The following SYT1 variants were observed in gnomAD, a reference collection of about 807,000 sequenced individuals.
The protein encoded by SYT1 is synaptotagmin 1, also known as synaptotagmin-1.
In SYT1, 8 loss-of-function variants were observed where a neutral mutation model predicts 44.8. The observed-to-expected ratio is 0.18, with a 90% CI of 0.10 to 0.32. SYT1 has a LOEUF of 0.32. Among genes scored for constraint, SYT1 ranks in the 10% least tolerant of loss-of-function variants. SYT1 has a pLI of 1.00. For synonymous variants in SYT1, 154 were observed against 188.8 expected (o/e 0.82, Z 1.51); for missense variants, 286 against 509.3 (o/e 0.56, Z 4.22).
intron 2 of SYT1, among the ~76,000 whole-genome samples, chr12:78,991,155 C>T (rs1044819763): frequency 2.0e-5 from 3 of 151,902 alleles, no homozygotes; most frequent in Non-Finnish European, 4.4e-5. Context: ...CCATTTACTC[C>T]ACTTGGATAT....
intron 3 of SYT1, among the ~76,000 whole-genome samples, chr12:79,097,784 T>G (rs2138034647): frequency 6.6e-6 from 1 of 152,066 alleles, no homozygotes; most frequent in Non-Finnish European, 1.5e-5. Context: ...GATAGAAAAT[T>G]TAAACTTTCA....
intron 1 of SYT1, among the ~76,000 whole-genome samples, chr12:78,971,018 G>C (rs995127827): frequency 6.6e-6 from 1 of 152,134 alleles, no homozygotes. Flanking sequence ...CAAAAAGTTA[G>C]CAGGGTGTGA....
At chr12:79,148,638 C>A (rs1477385794) in intron 3 of SYT1, among the ~76,000 whole-genome samples, 6 of 152,086 alleles carry the variant, frequency 3.9e-5, no homozygotes, top group African/African-American at 1.4e-4. Flanking sequence ...CACCTTGAAA[C>A]ATAAATGGGC....
chr12:78,971,893 GA>G (rs1868408663), intron 1 of SYT1, among the ~76,000 whole-genome samples: 1 of 152,086 alleles, frequency 6.6e-6, no homozygotes, highest in African/African-American at 2.4e-5. Context: ...TCAAGGAAGG[GA>G]ATCATTGACC....
At chr12:79,004,944 C>A (rs559862954) in intron 2 of SYT1, among the ~76,000 whole-genome samples, 2 of 151,862 alleles carry the variant, frequency 1.3e-5, no homozygotes, top group African/African-American at 4.8e-5. Flanking sequence ...GCAGAGTTTA[C>A]ACAAAAACTT....
chr12:79,137,387 C>T (rs569006006), intron 3 of SYT1, among the ~76,000 whole-genome samples: 1 of 152,140 alleles, frequency 6.6e-6, no homozygotes, highest in Non-Finnish European at 1.5e-5. Context: ...TGAGCCACCC[C>T]ACCCGGCCAG....
chr12:79,397,350 C>T (rs1368061088), intron 9 of SYT1, among the ~76,000 whole-genome samples: 1 of 152,176 alleles, frequency 6.6e-6, no homozygotes, highest in African/African-American at 2.4e-5. Flanking sequence ...CCACCTCAGC[C>T]TTCCGAATAG....
At chr12:79,392,695 C>T (rs1335371793) in intron 9 of SYT1, 1 of 150,960 alleles carries the variant, frequency 6.6e-6, no homozygotes, top group East Asian at 1.9e-4. Flanking sequence ...TTAATCTGGT[C>T]CAGTTAATAA....
At chr12:79,196,386 TC>T (rs1873465196) in intron 3 of SYT1, among the ~76,000 whole-genome samples, 1 of 152,106 alleles carries the variant, frequency 6.6e-6, no homozygotes, top group African/African-American at 2.4e-5. Context: ...CAGGATGGTC[TC>T]GATTTCTTGA....
At position 79,006,183 on chromosome 12, in the gene SYT1, T is replaced by A. The variant is rs139170549; in HGVS notation, c.-84+28252T>A. ...TAGCTTAGAGAGGACATGATGGCATTCATTACTTTCAGGATTTCCTGTCTC... is the reference window on the plus strand; with the variant it reads ...TAGCTTAGAGAGGACATGATGGCATACATTACTTTCAGGATTTCCTGTCTC... On this transcript the variant is annotated intron_variant, in intron 2 of 10. Transcript: ENST00000261205. Among the ~76,000 whole-genome samples the A allele has an allele frequency of 1.8e-3, 278 of 152,282 alleles. 1 individual carries two copies. The highest frequency in any genetic ancestry group is 6.4e-3 in the African/African-American group (268 of 41,572).
chr12:79,281,895 C>G (rs530574397), intron 4 of SYT1, among the ~76,000 whole-genome samples: 6 of 152,256 alleles, frequency 3.9e-5, no homozygotes, highest in African/African-American at 1.4e-4. Context: ...ATTGGTTTCA[C>G]TGAGCTGAAA....
intron 9 of SYT1, among the ~76,000 whole-genome samples, chr12:79,408,253 G>A (rs1868308014): frequency 6.6e-6 from 1 of 152,070 alleles, no homozygotes; most frequent in African/African-American, 2.4e-5. Flanking sequence ...TAAATAATAT[G>A]CCCAAGATCC....
At chr12:79,128,079 TTAGA>T (rs1170166089) in intron 3 of SYT1, among the ~76,000 whole-genome samples, 1 of 151,918 alleles carries the variant, frequency 6.6e-6, no homozygotes, top group Non-Finnish European at 1.5e-5. Context: ...AGATGGATAA[TTAGA>T]TAGAGAGATT....
intron 3 of SYT1, among the ~76,000 whole-genome samples, chr12:79,161,490 T>C (rs767199338): frequency 6.6e-6 from 1 of 152,100 alleles, no homozygotes; most frequent in Non-Finnish European, 1.5e-5. Context: ...TAACAATGCA[T>C]TTTTCAGACT....
chr12:79,358,338 T>C (rs74344178), intron 9 of SYT1, among the ~76,000 whole-genome samples: 2,784 of 152,352 alleles, frequency 0.018, 77 homozygotes, highest in African/African-American at 0.065. Context: ...TCTACTTCAA[T>C]CTGAGAATTA....
chr12:79,124,769 C>T (rs1032370641), intron 3 of SYT1, among the ~76,000 whole-genome samples: 2 of 152,044 alleles, frequency 1.3e-5, no homozygotes, highest in African/African-American at 4.8e-5. Context: ...GAAGTCATTT[C>T]ATGTTTGGTA....
chr12:79,413,637 A>G (rs1396381737), intron 9 of SYT1, among the ~76,000 whole-genome samples: 1 of 152,166 alleles, frequency 6.6e-6, no homozygotes, highest in African/African-American at 2.4e-5. Flanking sequence ...ATGGGATGAT[A>G]TATTTTCTTG....
intron 3 of SYT1, among the ~76,000 whole-genome samples, chr12:79,208,899 A>T (rs1377902557): frequency 6.6e-6 from 1 of 151,476 alleles, no homozygotes; most frequent in Non-Finnish European, 1.5e-5. Context: ...CATACTCTTT[A>T]AAAAAAAATC....
At chr12:78,870,915 C>T (rs1001959508) in intron 1 of SYT1, among the ~76,000 whole-genome samples, 4 of 151,980 alleles carry the variant, frequency 2.6e-5, no homozygotes, top group African/African-American at 9.7e-5. Flanking sequence ...GCTGTACTTA[C>T]GTGAACACTT....
Sources: gnomAD v4.1 joint callset for allele counts (sites outside exome capture counted in the v4.1 genomes callset) on GRCh38, gnomAD v4.1.1 for gene constraint, MANE v1.5 for transcripts, NCBI Gene and HGNC (gene_info 2026-07-23, HGNC 2026-07-21) for gene names.